The following PLCB1 variants were observed in gnomAD, a reference collection of about 807,000 sequenced individuals.
PLCB1 encodes the protein phospholipase C beta 1, also known as 1-phosphatidylinositol 4,5-bisphosphate phosphodiesterase beta-1.
PLCB1 carries 46 observed loss-of-function variants against 161.8 expected under a neutral mutation model. The observed-to-expected ratio is 0.28, with a 90% CI of 0.22 to 0.36. The LOEUF (loss-of-function observed/expected upper bound fraction) is 0.36, where lower values mean the gene tolerates loss of function less well. Among genes scored for constraint, PLCB1 ranks in the 10% least tolerant of loss-of-function variants. The probability of loss-of-function intolerance (pLI) is 1.00; values close to 1 mark genes in which losing one functional copy is unlikely to be tolerated. For synonymous variants in PLCB1, 517 were observed against 503.7 expected (o/e 1.03, Z -0.35); for missense variants, 1,016 against 1,472.5 (o/e 0.69, Z 5.07).
intron 10 of PLCB1, among the ~76,000 whole-genome samples, chr20:8,696,629 G>A (rs947034844): frequency 1.3e-5 from 2 of 152,152 alleles, no homozygotes; most frequent in Non-Finnish European, 2.9e-5. Flanking sequence ...CCATGAACAT[G>A]AGATGTATTT....
intron 1 of PLCB1, among the ~76,000 whole-genome samples, chr20:8,147,553 T>C (rs775824680): frequency 6.6e-6 from 1 of 152,180 alleles, no homozygotes; most frequent in Admixed American, 6.5e-5. Flanking sequence ...TACTAGCAGC[T>C]ATGTGGGAGG....
chr20:8,229,356 C>G (rs1979880179), intron 2 of PLCB1, among the ~76,000 whole-genome samples: 1 of 151,890 alleles, frequency 6.6e-6, no homozygotes, highest in Non-Finnish European at 1.5e-5. Flanking sequence ...TCTGTAAGTT[C>G]CCATATTTAC....
intron 31 of PLCB1, among the ~76,000 whole-genome samples, chr20:8,842,111 T>C (rs1335365225): frequency 6.6e-6 from 1 of 152,138 alleles, no homozygotes; most frequent in African/African-American, 2.4e-5. Context: ...TGAATGAGAT[T>C]TGACCACTGC....
intron 27 of PLCB1, among the ~76,000 whole-genome samples, chr20:8,777,820 G>A (rs1983018835): frequency 6.6e-6 from 1 of 152,020 alleles, no homozygotes; most frequent in Admixed American, 6.6e-5. Flanking sequence ...AGGTTTAACT[G>A]GACTTAAACT....
chr20:8,628,455 A>C, intron 4 of PLCB1, 24 bp downstream of exon 4: 1 of 1,613,110 alleles, frequency 6.2e-7, no homozygotes, highest in Non-Finnish European at 8.5e-7. Context: ...AAATTGCTAA[A>C]GCTTATCATC....
chr20:8,358,607 G>A (rs1025856201), intron 2 of PLCB1, among the ~76,000 whole-genome samples: 3 of 151,558 alleles, frequency 2.0e-5, no homozygotes, highest in Non-Finnish European at 2.9e-5. Context: ...CCTTCCTTCC[G>A]TTCTCTTTAG....
intron 2 of PLCB1, among the ~76,000 whole-genome samples, chr20:8,348,819 C>T (rs1986082942): frequency 6.6e-6 from 1 of 152,148 alleles, no homozygotes; most frequent in African/African-American, 2.4e-5. Flanking sequence ...TTTATTTCCT[C>T]AGTTCATACT....
At chr20:8,545,811 A>G (rs755636777) in intron 3 of PLCB1, among the ~76,000 whole-genome samples, 4 of 152,214 alleles carry the variant, frequency 2.6e-5, no homozygotes, top group Non-Finnish European at 4.4e-5. Context: ...TATTTCTTCT[A>G]TACGGCACAC....
intron 3 of PLCB1, among the ~76,000 whole-genome samples, chr20:8,454,700 T>C (rs1478591757): frequency 6.6e-6 from 1 of 152,154 alleles, no homozygotes; most frequent in Non-Finnish European, 1.5e-5. Flanking sequence ...CTCTCTCCCG[T>C]CTTGCATGTC....
chr20:8,744,096 A>G (rs1201429118), intron 23 of PLCB1, among the ~76,000 whole-genome samples: 1 of 152,206 alleles, frequency 6.6e-6, no homozygotes, highest in Non-Finnish European at 1.5e-5. Flanking sequence ...TGGCAAAGTT[A>G]TCTGAATACC....
At chr20:8,768,218 T>C (rs747750177) in intron 26 of PLCB1, among the ~76,000 whole-genome samples, 1 of 152,134 alleles carries the variant, frequency 6.6e-6, no homozygotes, top group Non-Finnish European at 1.5e-5. Context: ...GTTAGTGGAC[T>C]ATGCGCTCTC....
rs150570082 is a variant in PLCB1 at position 8,633,686 on chromosome 20, G to C, written c.384+5255G>C. Among the ~76,000 whole-genome samples the C allele has an allele frequency of 4.5e-4, 69 of 152,120 alleles. 1 individual carries two copies. The highest frequency in any genetic ancestry group is 1.5e-3 in the African/African-American group (61 of 41,492). ...ACTGAAATGTAGCATACACAGAAAAGTGCACAGTTTCTTACTCCATACCCT... is the reference window on the plus strand; with the variant it reads ...ACTGAAATGTAGCATACACAGAAAACTGCACAGTTTCTTACTCCATACCCT... On this transcript the variant is annotated intron_variant, in intron 4 of 31. Coordinates refer to ENST00000338037, the MANE Select transcript of PLCB1 (RefSeq NM_015192.4).
chr20:8,421,615 CACTT>C (rs1979540452), intron 3 of PLCB1, among the ~76,000 whole-genome samples: 1 of 152,146 alleles, frequency 6.6e-6, no homozygotes. Flanking sequence ...TTAAAGAAAA[CACTT>C]TAAGTTTAAC....
intron 9 of PLCB1, among the ~76,000 whole-genome samples, chr20:8,669,847 T>G (rs1989901676): frequency 6.6e-6 from 1 of 152,216 alleles, no homozygotes; most frequent in Admixed American, 6.5e-5. Flanking sequence ...GGTCTGCATT[T>G]ATGCTAGACT....
intron 31 of PLCB1, among the ~76,000 whole-genome samples, chr20:8,825,456 A>G (rs1246408835): frequency 6.6e-6 from 1 of 151,816 alleles, no homozygotes; most frequent in African/African-American, 2.4e-5. Context: ...GTGGATGAAG[A>G]GAAACCCTTT....
chr20:8,688,289 C>CT (rs1321068720), intron 10 of PLCB1, among the ~76,000 whole-genome samples: 2 of 152,160 alleles, frequency 1.3e-5, no homozygotes, highest in Non-Finnish European at 2.9e-5. Context: ...TGTGGGTTGT[C>CT]TGTTTATTCT....
intron 2 of PLCB1, among the ~76,000 whole-genome samples, chr20:8,206,870 C>T (rs1046233193): frequency 1.3e-5 from 2 of 151,502 alleles, no homozygotes; most frequent in African/African-American, 4.8e-5. Flanking sequence ...AAAGTAAATA[C>T]ATAAATCATG....
chr20:8,300,461 TAG>T (rs368519062), intron 2 of PLCB1, among the ~76,000 whole-genome samples: 10 of 152,110 alleles, frequency 6.6e-5, no homozygotes, highest in African/African-American at 2.4e-4. Context: ...CTCCCCAAAT[TAG>T]AGTCTCACCT....
In PLCB1 at chr20:8,810,748, G is replaced by A. The variant is rs185853905; in HGVS notation, c.3423+20487G>A. ...GGAGGGCGAGTCAGGCAGATGACTT[G>A]AGCCCAAGAGTTTGAGACCAGCCTG... On this transcript the variant is annotated intron_variant, in intron 31 of 31. Coordinates refer to ENST00000338037, the MANE Select transcript of PLCB1 (RefSeq NM_015192.4). Among the ~76,000 whole-genome samples the A allele has an allele frequency of 5.2e-3, 789 of 152,256 alleles. 19 individuals are homozygous for A. The highest frequency in any genetic ancestry group is 3.1e-3 in the Non-Finnish European group (212 of 68,022).
Sources: gnomAD v4.1 joint callset for allele counts (sites outside exome capture counted in the v4.1 genomes callset) on GRCh38, gnomAD v4.1.1 for gene constraint, MANE v1.5 for transcripts, NCBI Gene and HGNC (gene_info 2026-07-23, HGNC 2026-07-21) for gene names.